Variants in TRIM10 observed in about 807,000 individuals in gnomAD.
TRIM10 encodes tripartite motif containing 10, also known as tripartite motif-containing protein 10.
Under a neutral mutation model 40.0 loss-of-function variants are expected in TRIM10, and 42 were observed. The ratio of observed to expected loss-of-function variants is 1.05; its 90% CI spans 0.82 to 1.36. The LOEUF (loss-of-function observed/expected upper bound fraction) is 1.36. TRIM10 is among the 40% of genes most tolerant of loss of function. The probability of loss-of-function intolerance (pLI) is 0.00; values close to 1 mark genes in which losing one functional copy is unlikely to be tolerated. For synonymous variants in TRIM10, 260 were observed against 239.5 expected (o/e 1.09, Z -0.79); for missense variants, 601 against 608.3 (o/e 0.99, Z 0.13).
At chr6:30,163,554 T>TTCTCTTTCTCTGTCTCTC, upstream of TRIM10, 5 of 1,136,868 alleles carry the variant, frequency 4.4e-6, no homozygotes, top group Non-Finnish European at 5.9e-6. Flanking sequence ...CTCTCTCTCT[T>TTCTCTTTCTCTGTCTCTC]TCTCTCTCTC....
intron 6 of TRIM10, among the ~76,000 whole-genome samples, chr6:30,155,386 C>T (rs1772436553): frequency 6.6e-6 from 1 of 152,086 alleles, no homozygotes; most frequent in African/African-American, 2.4e-5. Context: ...GGACTTTATC[C>T]CATTCTGCAT....
intron 6 of TRIM10, among the ~76,000 whole-genome samples, chr6:30,155,363 A>G (rs1268150379): frequency 6.6e-6 from 1 of 152,158 alleles, no homozygotes; most frequent in Non-Finnish European, 1.5e-5. Flanking sequence ...TTATCCAGAA[A>G]GCATTCCCAG....
upstream of TRIM10, chr6:30,163,892 A>G: frequency 6.2e-7 from 1 of 1,613,024 alleles, no homozygotes; most frequent in Non-Finnish European, 8.5e-7. Flanking sequence ...AGAGACTCCC[A>G]TGGCCCCTGT....
At position 30,157,009 on chromosome 6, in the gene TRIM10, C is replaced by A. The variant is rs367878221; in HGVS notation, c.825G>T (p.Glu275Asp). The change falls in exon 5 of 7, where the codon GAG becomes GAT. Residue 275 changes from glutamate (E) to aspartate (D), a missense_variant. By Grantham distance (45) the Glu-to-Asp change is conservative. Coordinates refer to ENST00000449742, the MANE Select transcript of TRIM10 (RefSeq NM_006778.4). The part of the protein sequence containing the change: ...KCRKPVAVSP[E>D]LGQRIRDFPQ... ...GAAAGTCCCGAATCCTCTGGCCCAG[C>A]TCTGGCGACACAGCCACCGGTTTCC... 2 of 1,613,098 alleles carry A rather than the reference C, an allele frequency of 1.2e-6. No individual in the cohort carries two copies. The highest frequency in any genetic ancestry group is 1.7e-6 in the Non-Finnish European group (2 of 1,180,040).
chr6:30,155,814 CA>C (rs1185601434), intron 5 of TRIM10, 55 bp from the exon 6 acceptor site: 1 of 1,561,186 alleles, frequency 6.4e-7, no homozygotes, highest in African/African-American at 1.4e-5. Flanking sequence ...AACCATCAGA[CA>C]CTTAATGATG....
chr6:30,158,384 C>T lies in TRIM10; in HGVS notation c.756+15G>A, dbSNP rs1265092317. 32 of 1,607,272 alleles carry T rather than the reference C, an allele frequency of 2.0e-5. No homozygotes were observed. The highest frequency in any genetic ancestry group is 2.6e-5 in the Non-Finnish European group (31 of 1,174,910). On this transcript the variant is annotated intron_variant, in intron 3 of 6. Coordinates refer to ENST00000449742, the MANE Select transcript of TRIM10 (RefSeq NM_006778.4). ...GGACAGCACAGGTGGGGCAGGGTTC[C>T]GGTTCAGGCCTCACCGTCAGGAGCT...
chr6:30,158,845 G>T (rs116113631), intron 2 of TRIM10, among the ~76,000 whole-genome samples: 3,386 of 152,258 alleles, frequency 0.022, 59 homozygotes, highest in Middle Eastern at 0.041. Flanking sequence ...AGGAGGAGGT[G>T]GTGGGGACAC....
At chr6:30,159,049 T>G in intron 2 of TRIM10, 101 bp downstream of exon 2, 1 of 759,768 alleles carries the variant, frequency 1.3e-6, no homozygotes, top group Non-Finnish European at 2.3e-6. Context: ...GGATTTAAAC[T>G]CATAATAACT....
At chr6:30,157,566 T>G (rs58481259) in intron 3 of TRIM10, among the ~76,000 whole-genome samples, 175 bp from the exon 4 acceptor site, 4,104 of 151,916 alleles carry the variant, frequency 0.027, 96 homozygotes, top group Middle Eastern at 0.051. Flanking sequence ...GCTCACTGCA[T>G]ACTCAACCTC....
intron 6 of TRIM10, chr6:30,154,699 A>T (rs891696194): frequency 1.4e-6 from 1 of 724,612 alleles, no homozygotes; most frequent in Admixed American, 2.0e-5. Context: ...GGTGATTTGC[A>T]CACAGGTAAA....
chr6:30,163,518 G>A, upstream of TRIM10: 1 of 916,074 alleles, frequency 1.1e-6, no homozygotes, highest in Non-Finnish European at 1.6e-6. Context: ...GAGCCAGGTG[G>A]CTTCCCTGTG....
upstream of TRIM10, chr6:30,163,744 G>T: frequency 6.2e-7 from 1 of 1,612,930 alleles, no homozygotes; most frequent in South Asian, 1.1e-5. Flanking sequence ...CCCTCTGTGC[G>T]GGGCCGCTGG....
At chr6:30,156,028 G>A (rs1323242000) in intron 5 of TRIM10, among the ~76,000 whole-genome samples, 1 of 152,164 alleles carries the variant, frequency 6.6e-6, no homozygotes, top group African/African-American at 2.4e-5. Flanking sequence ...GCTGCTGGTG[G>A]GAGCCCCACT....
chr6:30,160,584 C>T lies in TRIM10; in HGVS notation c.275G>A (p.Gly92Asp), dbSNP rs746855052. 3 of 1,614,240 alleles carry T rather than the reference C, an allele frequency of 1.9e-6. No individual in the cohort carries two copies. Among genetic ancestry groups the T allele is most frequent in the Middle Eastern group, 1.6e-4 (1 of 6,062 alleles). Residue 92 changes from glycine to aspartate, a missense_variant, in exon 1 of 7, where the codon GGT becomes GAT. Coordinates refer to ENST00000449742, the MANE Select transcript of TRIM10 (RefSeq NM_006778.4). ...TTGGCAGACATCCTCCTCTCCCAAA[C>T]CCAGTGTGGACACCAGCTGGAGGCG... ...IERLQLVSTL[G>D]LGEEDVCQEH... is the part of the protein sequence containing the mutation.
chr6:30,154,563 G>C (rs1173845330), intron 6 of TRIM10, 77 bp from the exon 7 acceptor site: 4 of 1,562,736 alleles, frequency 2.6e-6, no homozygotes, highest in South Asian at 1.1e-5. Context: ...ACTCCCCCTG[G>C]GCCCCTCCTG....
At chr6:30,157,243 G>C (rs1370167691) in intron 4 of TRIM10, 126 bp downstream of exon 4, 1 of 1,157,592 alleles carries the variant, frequency 8.6e-7, no homozygotes. Flanking sequence ...TGGGTATATA[G>C]AGGTTTATAT....
intron 1 of TRIM10, among the ~76,000 whole-genome samples, chr6:30,159,475 A>G (rs576396915): frequency 4.0e-4 from 61 of 152,238 alleles, no homozygotes; most frequent in Non-Finnish European, 6.8e-4. Context: ...ATCCTGTGCC[A>G]TTAGAGGCTG....
intron 5 of TRIM10, among the ~76,000 whole-genome samples, chr6:30,156,406 C>G (rs1419298759): frequency 1.3e-5 from 2 of 152,040 alleles, no homozygotes; most frequent in Non-Finnish European, 2.9e-5. Flanking sequence ...CATCCAAACC[C>G]TCCCCCACAC....
intron 3 of TRIM10, 113 bp downstream of exon 3, chr6:30,158,286 C>T (rs1772745857): frequency 3.3e-6 from 3 of 906,250 alleles, no homozygotes; most frequent in Non-Finnish European, 5.3e-6. Flanking sequence ...TCTGACCCAC[C>T]TCCCATCTGG....
Sources: allele counts gnomAD v4.1 joint callset (sites outside exome capture counted in the v4.1 genomes callset), GRCh38; gene constraint gnomAD v4.1.1; transcripts MANE v1.5; gene names NCBI Gene and HGNC (gene_info 2026-07-23, HGNC 2026-07-21).